Variants in LPP observed in about 807,000 individuals in gnomAD.
LPP encodes the protein LIM domain containing preferred translocation partner in lipoma.
A neutral mutation model predicts 60.4 loss-of-function variants in LPP; 38 were observed. The ratio of observed to expected loss-of-function variants is 0.63; its 90% CI spans 0.49 to 0.83. LPP has a LOEUF of 0.83. Among genes scored for constraint, LPP ranks in the 40% least tolerant of loss-of-function variants. LPP has a pLI of 0.00. For missense variants in LPP, 902 were observed against 783.6 expected (o/e 1.15, Z -1.80); for synonymous variants, 328 against 290.8 (o/e 1.13, Z -1.30).
intron 8 of LPP, among the ~76,000 whole-genome samples, chr3:188,756,266 G>A (rs1730193910): frequency 6.6e-6 from 1 of 152,122 alleles, no homozygotes; most frequent in Admixed American, 6.6e-5. Context: ...ACCATTTTTG[G>A]TTTTGTTTGG....
intron 1 of LPP, among the ~76,000 whole-genome samples, chr3:188,222,214 A>AT (rs555792348): frequency 1.0e-3 from 157 of 152,164 alleles, no homozygotes; most frequent in African/African-American, 3.7e-3. Context: ...ATTTTTATGA[A>AT]TTTTTTTTCA....
At chr3:188,170,178 T>G (rs1721141431) in intron 1 of LPP, among the ~76,000 whole-genome samples, 1 of 152,222 alleles carries the variant, frequency 6.6e-6, no homozygotes, top group Non-Finnish European at 1.5e-5. Flanking sequence ...TGCCTTCGGC[T>G]TTGTTCCAAC....
intron 6 of LPP, among the ~76,000 whole-genome samples, chr3:188,570,750 G>C (rs2150838540): frequency 6.6e-6 from 1 of 151,942 alleles, no homozygotes; most frequent in East Asian, 1.9e-4. Flanking sequence ...ATTAACTGGA[G>C]TTCTCAACAG....
chr3:188,239,687 T>C (rs556600443), intron 2 of LPP, among the ~76,000 whole-genome samples: 1 of 152,302 alleles, frequency 6.6e-6, no homozygotes, highest in African/African-American at 2.4e-5. Context: ...CCAAAAGCCA[T>C]TGGCAGGTGG....
intron 7 of LPP, among the ~76,000 whole-genome samples, chr3:188,680,276 A>G (rs1020184811): frequency 1.1e-4 from 17 of 152,274 alleles, no homozygotes; most frequent in African/African-American, 4.1e-4. Flanking sequence ...TAACAATTAG[A>G]GGAGTGTTTC....
At chr3:188,258,190 A>G (rs1463234475) in intron 2 of LPP, among the ~76,000 whole-genome samples, 1 of 152,214 alleles carries the variant, frequency 6.6e-6, no homozygotes, top group Non-Finnish European at 1.5e-5. Context: ...GATTATTGTG[A>G]TACTTGAAGT....
At chr3:188,727,000 A>G (rs73196770) in intron 8 of LPP, among the ~76,000 whole-genome samples, 42,550 of 152,098 alleles carry the variant, frequency 0.28, 7,472 homozygotes, top group Middle Eastern at 0.54. Context: ...TTTAGGCAGA[A>G]AAACCTTCAG....
chr3:188,441,734 C>A (rs1794004145), intron 4 of LPP, among the ~76,000 whole-genome samples: 1 of 150,104 alleles, frequency 6.7e-6, no homozygotes, highest in East Asian at 2.0e-4. Flanking sequence ...CATTCTCCCA[C>A]CTCAGCCTCC....
At chr3:188,659,561 A>T (rs989609473) in intron 7 of LPP, among the ~76,000 whole-genome samples, 2 of 152,194 alleles carry the variant, frequency 1.3e-5, no homozygotes, top group Non-Finnish European at 1.5e-5. Flanking sequence ...TTTATAAAAA[A>T]TGAGAGCCTG....
rs1429351950 is a variant in LPP, at chr3:188,884,995, C to CA, written c.*10517dup. On this transcript the variant is annotated 3_prime_UTR_variant, in exon 12 of 12. Transcript: ENST00000617246. ...TTTATAATTACAAGGAATTTGGTAC[C>CA]ATGTTGTTTTCAAAAAACCTCCTAG... The CA allele has an allele frequency of 9.4e-6, 2 of 213,608 alleles. No individual in the cohort carries two copies. The highest frequency in any genetic ancestry group is 4.5e-5 in the African/African-American group (2 of 44,240). 13.2% of individuals were successfully genotyped at this position (213,608 alleles called of 1,614,324 possible).
At position 188,879,124 on chromosome 3, in the gene LPP, G is replaced by T; in HGVS notation, c.*4645G>T. 1 of 229,256 alleles carries T rather than the reference G, an allele frequency of 4.4e-6. No individual in the cohort carries two copies. The highest frequency in any genetic ancestry group is 6.2e-5 in the East Asian group (1 of 16,022). 14.2% of individuals were successfully genotyped at this position (229,256 alleles called of 1,614,324 possible). A position where few individuals can be genotyped will look rare whatever the true frequency, so the allele number is the denominator to read the frequency against. On this transcript the variant is annotated 3_prime_UTR_variant, in exon 12 of 12. Transcript: ENST00000617246. The stretch of plus-strand genomic sequence containing the variant: ...ATATTTCAGGCCAAGTTATTCACTT[G>T]ACAGATAACTAGAATGAAACTTTTC...
intron 5 of LPP, among the ~76,000 whole-genome samples, chr3:188,490,988 C>G (rs985751226): frequency 6.6e-6 from 1 of 151,828 alleles, no homozygotes; most frequent in Non-Finnish European, 1.5e-5. Context: ...GTCTCGATCT[C>G]CTGACCTCGT....
Position 188,552,902 on chromosome 3 carries a change from G to A in LPP, c.429+28115G>A, listed in dbSNP as rs574214109. Reference sequence around the variant, plus strand: ...AGTGTGTACATTCTTGGCGGGGTGGGGAGGGCTGTTCTTATGCTTATCACA... The same window carrying A: ...AGTGTGTACATTCTTGGCGGGGTGGAGAGGGCTGTTCTTATGCTTATCACA... On this transcript the variant is annotated intron_variant, in intron 6 of 11. Transcript: ENST00000617246. Among the ~76,000 whole-genome samples the A allele has an allele frequency of 1.1e-4, 16 of 152,286 alleles. No individual in the cohort carries two copies. The South Asian group carries it at 3.1e-3, about 30-fold the overall frequency.
At chr3:188,707,473 C>T (rs1047980101) in intron 7 of LPP, among the ~76,000 whole-genome samples, 1 of 152,200 alleles carries the variant, frequency 6.6e-6, no homozygotes, top group African/African-American at 2.4e-5. Flanking sequence ...ATCCTCGTAG[C>T]TTTGCTCTCA....
At chr3:188,721,034 G>A (rs1026913635) in intron 8 of LPP, among the ~76,000 whole-genome samples, 32 of 152,256 alleles carry the variant, frequency 2.1e-4, no homozygotes, top group African/African-American at 7.5e-4. Flanking sequence ...TTGCTTGAAA[G>A]CTTCCCTTTC....
chr3:188,765,247 C>T (rs903903959), intron 9 of LPP, among the ~76,000 whole-genome samples: 2 of 151,838 alleles, frequency 1.3e-5, no homozygotes, highest in African/African-American at 4.8e-5. Flanking sequence ...TGCTCTCTCA[C>T]CTCCAAGGAG....
chr3:188,378,788 C>T (rs1349403896), intron 3 of LPP, among the ~76,000 whole-genome samples: 2 of 152,210 alleles, frequency 1.3e-5, no homozygotes, highest in African/African-American at 2.4e-5. Context: ...CAGAAATCAC[C>T]CATCTTCTGC....
intron 2 of LPP, among the ~76,000 whole-genome samples, chr3:188,307,260 T>C (rs943359333): frequency 5.3e-5 from 8 of 152,142 alleles, no homozygotes; most frequent in Admixed American, 5.2e-4. Context: ...CAAAGCCTGT[T>C]CTCTTTTAAA....
intron 5 of LPP, among the ~76,000 whole-genome samples, chr3:188,509,813 T>C (rs1251604457): frequency 2.0e-5 from 3 of 150,964 alleles, no homozygotes; most frequent in Non-Finnish European, 3.0e-5. Flanking sequence ...CTGTTTCAGC[T>C]TCCCAAGTAG....
Sources: allele counts gnomAD v4.1 joint callset (sites outside exome capture counted in the v4.1 genomes callset), GRCh38; gene constraint gnomAD v4.1.1; transcripts MANE v1.5; gene names NCBI Gene and HGNC (gene_info 2026-07-23, HGNC 2026-07-21).